Variants in MRS2 observed in about 807,000 individuals in gnomAD.
MRS2 encodes the protein magnesium transporter MRS2.
MRS2 carries 40 observed loss-of-function variants against 52.6 expected under a neutral mutation model. The ratio of observed to expected loss-of-function variants is 0.76; its 90% CI spans 0.59 to 0.99. The LOEUF (loss-of-function observed/expected upper bound fraction) is 0.99, where lower values mean the gene tolerates loss of function less well. MRS2 is among the 50% of genes least tolerant of loss of function. The pLI, the probability that MRS2 is intolerant of heterozygous loss-of-function variation, is 0.00. For missense variants in MRS2, 472 were observed against 532.7 expected (o/e 0.89, Z 1.12); for synonymous variants, 193 against 195.9 (o/e 0.98, Z 0.13).
At chr6:24,423,211 C>G (rs1024192306) in intron 10 of MRS2, 161 bp downstream of exon 10, 12 of 596,024 alleles carry the variant, frequency 2.0e-5, no homozygotes, top group Non-Finnish European at 3.6e-5. Flanking sequence ...GTCGGTATTA[C>G]CTGCTTCATA....
At chr6:24,421,696 C>T (rs1413218843) in intron 9 of MRS2, among the ~76,000 whole-genome samples, 8 of 152,202 alleles carry the variant, frequency 5.3e-5, no homozygotes, top group Non-Finnish European at 1.0e-4. Flanking sequence ...TGTCTTAATA[C>T]GTATTTCCTA....
chr6:24,403,407 C>A (rs913002954), intron 1 of MRS2, among the ~76,000 whole-genome samples, 171 bp downstream of exon 1: 1 of 152,238 alleles, frequency 6.6e-6, no homozygotes, highest in Non-Finnish European at 1.5e-5. Flanking sequence ...GCGTCCCACT[C>A]GCTCAGAATG....
rs1761930598 is a variant in MRS2, at chr6:24,418,462, C to T, written c.991C>T (p.His331Tyr). 1.2e-6 allele frequency: 2 copies of T among 1,613,962 alleles called. No homozygotes were observed. The highest frequency in any genetic ancestry group is 1.7e-6 in the Non-Finnish European group (2 of 1,180,002). Residue 331 changes from histidine to tyrosine, a missense_variant and splice_region_variant, in exon 9 of 11, where the codon CAC (histidine) becomes TAC (tyrosine). His to Tyr is a moderately conservative substitution (Grantham distance 83, BLOSUM62 2). Coordinates refer to ENST00000378386, the MANE Select transcript of MRS2 (RefSeq NM_020662.4). Reference sequence around the variant, plus strand: ...CTGAATAGGTGTTCTCCTCTCCAGCCACCGAAACGTGATGATGAGGTTGAA... The same window carrying T: ...CTGAATAGGTGTTCTCCTCTCCAGCTACCGAAACGTGATGATGAGGTTGAA... ...QSIIFINLDS[H>Y]RNVMMRLNLQ...
intron 1 of MRS2, among the ~76,000 whole-genome samples, chr6:24,404,758 AC>A (rs1313770608): frequency 8.5e-5 from 13 of 152,354 alleles, no homozygotes; most frequent in African/African-American, 3.1e-4. Context: ...GGTACTTAGG[AC>A]CTATGTTTTC....
At chr6:24,412,155 G>A (rs891254780) in intron 4 of MRS2, 67 bp from the exon 5 acceptor site, 1 of 815,038 alleles carries the variant, frequency 1.2e-6, no homozygotes, top group Admixed American at 3.0e-5. Flanking sequence ...ACATATATAT[G>A]TATATACATG....
chr6:24,412,270 C>T lies in MRS2; in HGVS notation c.463C>T (p.Arg155Cys). The T allele has an allele frequency of 3.8e-6, 6 of 1,591,420 alleles. No individual in the cohort carries two copies. Among genetic ancestry groups the T allele is most frequent in the East Asian group, 2.3e-5 (1 of 43,446 alleles). Residue 155 changes from arginine to cysteine, a missense_variant, in exon 5 of 11, where the codon CGT becomes TGT. Arg to Cys is a radical substitution (Grantham distance 180). Coordinates refer to ENST00000378386, the MANE Select transcript of MRS2 (RefSeq NM_020662.4). Reference sequence around the variant, plus strand: ...AGAGTGTCTTCTGATATTAGATTATCGTAATTTAAACTTAGAGCAATGGCT... The same window carrying T: ...AGAGTGTCTTCTGATATTAGATTATTGTAATTTAAACTTAGAGCAATGGCT... The part of the protein sequence containing the change: ...TPECLLILDY[R>C]NLNLEQWLFR...
At position 24,423,372 on chromosome 6, in the gene MRS2, T is replaced by TG. The variant is rs1210018562; in HGVS notation, c.1222-210dup. On this transcript the variant is annotated intron_variant, in intron 10 of 10. Transcript: ENST00000378386. Reference sequence around the variant, plus strand: ...TGGTATAAGGTTTGTCATAACCAAATGGAAATGTAGGAAACATTTATAACG... The same window carrying TG: ...TGGTATAAGGTTTGTCATAACCAAATGGGAAATGTAGGAAACATTTATAACG... 5 of 486,002 alleles carry TG rather than the reference T, an allele frequency of 1.0e-5. No individual in the cohort carries two copies. In the East Asian group the frequency reaches 1.3e-4, roughly 13 times the overall value. 30.1% of individuals were successfully genotyped at this position (486,002 alleles called of 1,614,324 possible).
intron 1 of MRS2, among the ~76,000 whole-genome samples, chr6:24,403,560 C>T (rs1761361228): frequency 6.6e-6 from 1 of 152,148 alleles, no homozygotes; most frequent in South Asian, 2.1e-4. Flanking sequence ...TAGTTAACAC[C>T]CGCTTAAGTG....
chr6:24,415,147 C>T lies in MRS2; in HGVS notation c.703C>T (p.Leu235=), dbSNP rs1327306306. ...AGACAGAAGCAAACTGCACATTTTA[C>T]TACAGAATGGCAAAAGGTAAATATG... is the stretch of plus-strand genomic sequence containing the variant. ...SVDRSKLHIL[L]QNGKSLSELE... The change falls in exon 6 of 11, where the codon CTA becomes TTA. Residue 235 remains leucine (L), a synonymous_variant. Transcript: ENST00000378386. 4 of 1,593,264 alleles carry T rather than the reference C, an allele frequency of 2.5e-6. No homozygotes were observed. The African/African-American group carries it at 4.0e-5, about 16-fold the overall frequency.
chr6:24,420,530 A>G (rs530002228), intron 9 of MRS2, among the ~76,000 whole-genome samples: 1 of 152,376 alleles, frequency 6.6e-6, no homozygotes, highest in Admixed American at 6.5e-5. Context: ...AGGCCCATTT[A>G]GCAGTGAGTC....
At chr6:24,411,144 T>A (rs181225783) in intron 4 of MRS2, among the ~76,000 whole-genome samples, 1 of 150,746 alleles carries the variant, frequency 6.6e-6, no homozygotes, top group East Asian at 2.0e-4. Flanking sequence ...GAGCCGAGAT[T>A]GCCCCACTGC....
rs374151011 is a variant in MRS2, at chr6:24,403,216, C to T, written c.170C>T (p.Pro57Leu). The change falls in exon 1 of 11, where the codon CCC (proline) becomes CTC (leucine). Residue 57 changes from proline to leucine, a missense_variant. By Grantham distance (98) the Pro-to-Leu change is moderately conservative. Transcript: ENST00000378386. ...GRSRAAQLCG[P>L]DRLRVAGEVH... is the part of the protein sequence containing the mutation. ...AGCCGAGCGGCGCAGCTTTGCGGGC[C>T]CGACCGGCTCCGCGTGGCAGGTACT... The T allele has an allele frequency of 7.3e-5, 117 of 1,598,226 alleles. No homozygotes were observed. Among genetic ancestry groups the T allele is most frequent in the Non-Finnish European group, 9.4e-5 (111 of 1,178,466 alleles).
intron 10 of MRS2, 30 bp from the exon 11 acceptor site, chr6:24,423,554 T>TA: frequency 7.7e-7 from 1 of 1,301,354 alleles, no homozygotes. Context: ...TTAAAAAAGA[T>TA]ACTAAAATTA....
Position 24,403,256 on chromosome 6 carries a change from A to G in MRS2, c.190+20A>G. The stretch of plus-strand genomic sequence containing the variant: ...TGGCAGGTACTGCCCTTCCCCGGCA[A>G]CAGCCTTGGGACGCTGGTCTTGCAG... On this transcript the variant is annotated intron_variant, in intron 1 of 10. Coordinates refer to ENST00000378386, the MANE Select transcript of MRS2 (RefSeq NM_020662.4). 6.3e-7 allele frequency: 1 copy of G among 1,579,904 alleles called. No individual in the cohort carries two copies.
chr6:24,411,848 T>C (rs1194477833), intron 4 of MRS2, among the ~76,000 whole-genome samples: 1 of 151,406 alleles, frequency 6.6e-6, no homozygotes, highest in Admixed American at 6.6e-5. Flanking sequence ...TCTGGGGGTA[T>C]TTTTTGGTGT....
intron 10 of MRS2, 110 bp from the exon 11 acceptor site, chr6:24,423,474 C>CT (rs1554127262): frequency 5.3e-6 from 3 of 564,102 alleles, no homozygotes; most frequent in Non-Finnish European, 9.4e-6. Flanking sequence ...ACTTAAGACA[C>CT]TGATACTGCT....
intron 1 of MRS2, 30 bp downstream of exon 1, chr6:24,403,266 G>C (rs1233154316): frequency 6.4e-7 from 1 of 1,566,716 alleles, no homozygotes; most frequent in South Asian, 1.2e-5. Flanking sequence ...ACAGCCTTGG[G>C]ACGCTGGTCT....
At chr6:24,410,471 T>C (rs1385664438) in intron 4 of MRS2, among the ~76,000 whole-genome samples, 2 of 152,144 alleles carry the variant, frequency 1.3e-5, no homozygotes, top group Non-Finnish European at 2.9e-5. Flanking sequence ...TATGAGACTT[T>C]CTTCAAAGAG....
Position 24,403,832 on chromosome 6 carries a change from A to T in MRS2, c.190+596A>T, listed in dbSNP as rs992681252. On this transcript the variant is annotated intron_variant, in intron 1 of 10. Coordinates refer to ENST00000378386, the MANE Select transcript of MRS2 (RefSeq NM_020662.4). ...CACATTTATACAGTTGTCCAGTTGC[A>T]CGGAGATTGGGGACGCACCTAGAAG... Among the ~76,000 whole-genome samples the T allele has an allele frequency of 9.2e-5, 14 of 152,214 alleles. 1 individual carries two copies. Among genetic ancestry groups the T allele is most frequent in the Admixed American group, 7.9e-4 (12 of 15,278 alleles).
Sources: allele counts gnomAD v4.1 joint callset (sites outside exome capture counted in the v4.1 genomes callset), GRCh38; gene constraint gnomAD v4.1.1; transcripts MANE v1.5; gene names NCBI Gene and HGNC (gene_info 2026-07-23, HGNC 2026-07-21).